Variants in AGBL4 observed in about 807,000 individuals in gnomAD.
AGBL4 encodes AGBL carboxypeptidase 4.
AGBL4 carries 58 observed loss-of-function variants against 66.4 expected under a neutral mutation model. The ratio of observed to expected loss-of-function variants is 0.87; its 90% CI spans 0.71 to 1.09. The LOEUF (loss-of-function observed/expected upper bound fraction) is 1.09, where lower values mean the gene tolerates loss of function less well. Among genes scored for constraint, AGBL4 ranks in the 50% least tolerant of loss-of-function variants. The probability of loss-of-function intolerance (pLI) is 0.00; values close to 1 mark genes in which losing one functional copy is unlikely to be tolerated. For missense variants in AGBL4, 579 were observed against 631.0 expected (o/e 0.92, Z 0.88); for synonymous variants, 234 against 222.9 (o/e 1.05, Z -0.44).
chr1:48,628,865 G>A lies in AGBL4; in HGVS notation c.951+5628C>T, dbSNP rs148406601. ...ATGGATTAATCTCTTTCAGCCCCAC[G>A]TTTCCAAAGCACTGTTTGCTTAATT... On this transcript the variant is annotated intron_variant, in intron 9 of 13. Transcript: ENST00000371839. 2.3e-3 allele frequency among the ~76,000 whole-genome samples: 288 copies of A among 127,714 alleles called. 1 individual carries two copies. The highest frequency in any genetic ancestry group is 8.3e-3 in the African/African-American group (270 of 32,460). The allele number at this position is 127,714 out of a possible 152,430, so 83.8% of individuals were successfully genotyped here. A position where few individuals can be genotyped will look rare whatever the true frequency, so the allele number is the denominator to read the frequency against.
chr1:48,616,822 A>T (rs1267966895), intron 9 of AGBL4, among the ~76,000 whole-genome samples: 2 of 152,246 alleles, frequency 1.3e-5, no homozygotes, highest in Non-Finnish European at 2.9e-5. Context: ...ACTTTAAAGG[A>T]GGCCTTTGCC....
chr1:49,758,134 A>T (rs1375427753), intron 2 of AGBL4, among the ~76,000 whole-genome samples: 5 of 152,204 alleles, frequency 3.3e-5, no homozygotes, highest in Non-Finnish European at 7.3e-5. Flanking sequence ...CAAAAGGTGC[A>T]AGCCCCAAGC....
At chr1:49,836,078 G>T (rs756483481) in intron 2 of AGBL4, among the ~76,000 whole-genome samples, 1 of 152,064 alleles carries the variant, frequency 6.6e-6, no homozygotes, top group African/African-American at 2.4e-5. Context: ...TTCTCGAGGG[G>T]TATCTTTGTG....
intron 4 of AGBL4, among the ~76,000 whole-genome samples, chr1:49,073,095 C>G (rs138960518): frequency 1.3e-5 from 2 of 152,168 alleles, no homozygotes; most frequent in Non-Finnish European, 2.9e-5. Flanking sequence ...TCAGCTCCAA[C>G]GGGTCATTTA....
chr1:49,818,681 TGA>T (rs1456485057), intron 2 of AGBL4, among the ~76,000 whole-genome samples: 1 of 152,130 alleles, frequency 6.6e-6, no homozygotes. Context: ...AGAACCAATA[TGA>T]TATGTGTATA....
intron 1 of AGBL4, among the ~76,000 whole-genome samples, chr1:49,932,703 T>TC (rs1653491685): frequency 6.6e-6 from 1 of 151,898 alleles, no homozygotes; most frequent in Non-Finnish European, 1.5e-5. Flanking sequence ...CCCACTTTCC[T>TC]CCCCACAAAC....
At chr1:48,980,374 C>T (rs1659653401) in intron 5 of AGBL4, among the ~76,000 whole-genome samples, 1 of 152,040 alleles carries the variant, frequency 6.6e-6, no homozygotes, top group African/African-American at 2.4e-5. Flanking sequence ...TCCCAACAGC[C>T]TCCAAAGCTA....
At chr1:49,039,328 TG>T (rs1664919216) in intron 5 of AGBL4, among the ~76,000 whole-genome samples, 1 of 152,090 alleles carries the variant, frequency 6.6e-6, no homozygotes, top group African/African-American at 2.4e-5. Flanking sequence ...CTAAGGTAAA[TG>T]ATGGAATCTG....
At position 49,602,828 on chromosome 1, in the gene AGBL4, T is replaced by A. The variant is rs868086649; in HGVS notation, c.282+94485A>T. On this transcript the variant is annotated intron_variant, in intron 3 of 13. Transcript: ENST00000371839. ...ATCCCAGAACTTAAAGTACAATAAA[T>A]AAATAAATAAATAAATAAATAAATA... is the stretch of plus-strand genomic sequence containing the variant. 5.0e-3 allele frequency among the ~76,000 whole-genome samples: 605 copies of A among 120,808 alleles called. 1 individual carries two copies. Among genetic ancestry groups the A allele is most frequent in the Non-Finnish European group, 7.5e-3 (449 of 59,988 alleles). The allele number at this position is 120,808 out of a possible 152,430, so 79.3% of individuals were successfully genotyped here.
At chr1:49,190,845 G>A (rs955011849) in intron 4 of AGBL4, among the ~76,000 whole-genome samples, 4 of 152,086 alleles carry the variant, frequency 2.6e-5, no homozygotes, top group African/African-American at 9.7e-5. Context: ...AAGTGTTCCT[G>A]AGAAGTGAAG....
At chr1:49,061,622 G>C (rs938727718) in intron 4 of AGBL4, among the ~76,000 whole-genome samples, 1 of 152,122 alleles carries the variant, frequency 6.6e-6, no homozygotes, top group Non-Finnish European at 1.5e-5. Flanking sequence ...TCAGCAACAA[G>C]CATCAGATTA....
At chr1:49,610,008 C>T (rs895172571) in intron 3 of AGBL4, among the ~76,000 whole-genome samples, 1 of 151,920 alleles carries the variant, frequency 6.6e-6, no homozygotes, top group Admixed American at 6.6e-5. Context: ...AAAGGCAAGG[C>T]ATTTAGAGTG....
At chr1:49,337,762 T>A (rs1645466354) in intron 3 of AGBL4, among the ~76,000 whole-genome samples, 1 of 152,206 alleles carries the variant, frequency 6.6e-6, no homozygotes, top group Non-Finnish European at 1.5e-5. Flanking sequence ...AATGTATGGA[T>A]TTCAATGATA....
At chr1:49,595,543 T>C (rs959983069) in intron 3 of AGBL4, among the ~76,000 whole-genome samples, 1 of 152,070 alleles carries the variant, frequency 6.6e-6, no homozygotes, top group African/African-American at 2.4e-5. Flanking sequence ...AGGAACATCA[T>C]TTTGGAAACA....
rs181199521 is a variant in AGBL4, at chr1:48,944,260, T to C, written c.595-77030A>G. ...CAGGGGTTAGGTGGGGCCAAGGAAGTCTTCACAGAGAAGGTGATGCTTATG... is the reference window on the plus strand; with the variant it reads ...CAGGGGTTAGGTGGGGCCAAGGAAGCCTTCACAGAGAAGGTGATGCTTATG... On this transcript the variant is annotated intron_variant, in intron 5 of 13. Transcript: ENST00000371839. Among the ~76,000 whole-genome samples the C allele has an allele frequency of 3.2e-5, 4 of 126,112 alleles. No homozygotes were observed. In the Admixed American group the frequency reaches 3.4e-4, roughly 11 times the overall value. 82.7% of individuals were successfully genotyped at this position (126,112 alleles called of 152,430 possible). A position where few individuals can be genotyped will look rare whatever the true frequency, so the allele number is the denominator to read the frequency against.
intron 1 of AGBL4, among the ~76,000 whole-genome samples, chr1:49,970,823 T>C (rs1658021920): frequency 6.7e-6 from 1 of 148,544 alleles, no homozygotes; most frequent in East Asian, 2.0e-4. Context: ...AAAACGACAG[T>C]GAGATATTAC....
chr1:49,314,386 C>T (rs113032046), intron 3 of AGBL4, among the ~76,000 whole-genome samples: 13 of 151,976 alleles, frequency 8.6e-5, no homozygotes, highest in African/African-American at 3.1e-4. Context: ...CCCTCCAGCC[C>T]CCATCCCCCA....
chr1:48,997,141 T>G (rs778374733), intron 5 of AGBL4, among the ~76,000 whole-genome samples: 39 of 152,164 alleles, frequency 2.6e-4, no homozygotes, highest in Non-Finnish European at 2.8e-4. Context: ...CAGGCTGGTC[T>G]TGAACTCCTG....
Position 49,971,358 on chromosome 1 carries a change from G to A in AGBL4, c.34+52405C>T, listed in dbSNP as rs1456650493. Among the ~76,000 whole-genome samples the A allele has an allele frequency of 2.0e-5, 3 of 152,130 alleles. No individual in the cohort carries two copies. In the East Asian group the frequency reaches 5.8e-4, roughly 29 times the overall value. ...CTCAGTTATCAGATCAATTGTTGCAGTATCACAGTACTTGTGTTAAGTAAT... is the reference window on the plus strand; with the variant it reads ...CTCAGTTATCAGATCAATTGTTGCAATATCACAGTACTTGTGTTAAGTAAT... On this transcript the variant is annotated intron_variant, in intron 1 of 13. Coordinates refer to ENST00000371839, the MANE Select transcript of AGBL4 (RefSeq NM_032785.4).
Sources: allele counts gnomAD v4.1 joint callset (sites outside exome capture counted in the v4.1 genomes callset), GRCh38; gene constraint gnomAD v4.1.1; transcripts MANE v1.5; gene names NCBI Gene and HGNC (gene_info 2026-07-23, HGNC 2026-07-21).